SEMA3D: variants seen among roughly 807,000 people sequenced by gnomAD.
SEMA3D encodes the protein semaphorin-3D.
Under a neutral mutation model 100.1 loss-of-function variants are expected in SEMA3D, and 84 were observed. The ratio of observed to expected loss-of-function variants is 0.84; its 90% CI spans 0.70 to 1.01. The LOEUF (loss-of-function observed/expected upper bound fraction) is 1.01, where lower values mean the gene tolerates loss of function less well. Ranked by LOEUF, SEMA3D falls within the 50% of genes least tolerant of loss-of-function variation. The pLI is 0.00. For missense variants in SEMA3D, 875 were observed against 934.1 expected, an observed-to-expected ratio of 0.94 and a Z score of 0.82; for synonymous variants, 312 against 320.7, an observed-to-expected ratio of 0.97 and a Z score of 0.29.
At chr7:85,190,268 TA>T (rs1791667349), upstream of SEMA3D, among the ~76,000 whole-genome samples, 1 of 152,132 alleles carries the variant, frequency 6.6e-6, no homozygotes, top group African/African-American at 2.4e-5. Context: ...AAAATTGTGT[TA>T]AAAAGCATGT....
At chr7:85,107,598 C>T (rs938595390) in intron 3 of SEMA3D, among the ~76,000 whole-genome samples, 7 of 152,006 alleles carry the variant, frequency 4.6e-5, no homozygotes, top group South Asian at 2.1e-4. Context: ...CAGCTTGCTA[C>T]GTATTGTCAA....
At chr7:85,159,031 A>G (rs193014696) in intron 1 of SEMA3D, among the ~76,000 whole-genome samples, 13 of 152,016 alleles carry the variant, frequency 8.6e-5, no homozygotes, top group Admixed American at 7.9e-4. Flanking sequence ...CACTCTCTTT[A>G]CCATCACCTC....
the SEMA3D span, among the ~76,000 whole-genome samples, chr7:85,230,224 GC>G: frequency 6.6e-6 from 1 of 152,104 alleles, no homozygotes; most frequent in South Asian, 2.1e-4. Flanking sequence ...TCTTCACTCA[GC>G]TTTTTAGAGG....
At chr7:85,129,985 TA>T (rs1789677707) in intron 2 of SEMA3D, among the ~76,000 whole-genome samples, 1 of 152,098 alleles carries the variant, frequency 6.6e-6, no homozygotes, top group South Asian at 2.1e-4. Context: ...TTTATTTTTT[TA>T]AAAAAGATGT....
intron 1 of SEMA3D, among the ~76,000 whole-genome samples, chr7:85,173,774 A>G (rs1791148851): frequency 6.6e-6 from 1 of 152,170 alleles, no homozygotes; most frequent in South Asian, 2.1e-4. Context: ...AAAAAATGGG[A>G]CACTGAGATG....
At chr7:85,056,381 C>T (rs1290921052) in intron 8 of SEMA3D, among the ~76,000 whole-genome samples, 1 of 151,902 alleles carries the variant, frequency 6.6e-6, no homozygotes, top group Non-Finnish European at 1.5e-5. Context: ...TCTTTCACTG[C>T]CACTCACTGG....
chr7:85,213,950 GCAT>G, the SEMA3D span, among the ~76,000 whole-genome samples: 1 of 152,064 alleles, frequency 6.6e-6, no homozygotes, highest in Non-Finnish European at 1.5e-5. Flanking sequence ...ATTAAGTTTA[GCAT>G]CATTGAAAAC....
At chr7:85,075,566 T>A (rs1791899404) in intron 5 of SEMA3D, among the ~76,000 whole-genome samples, 1 of 152,134 alleles carries the variant, frequency 6.6e-6, no homozygotes, top group Admixed American at 6.5e-5. Flanking sequence ...CAGATTAATT[T>A]ATGAAATTCC....
At chr7:85,033,584 A>G (rs1039075436) in intron 12 of SEMA3D, among the ~76,000 whole-genome samples, 5 of 152,130 alleles carry the variant, frequency 3.3e-5, no homozygotes, top group Non-Finnish European at 7.4e-5. Context: ...CTGGGTCTAC[A>G]TATGCAAATA....
the SEMA3D span, among the ~76,000 whole-genome samples, chr7:85,210,022 T>C: frequency 6.6e-6 from 1 of 152,128 alleles, no homozygotes; most frequent in Non-Finnish European, 1.5e-5. Context: ...TGGAATGTAT[T>C]GATCCAACCT....
At chr7:85,163,821 G>A (rs958280139) in intron 1 of SEMA3D, among the ~76,000 whole-genome samples, 1 of 152,032 alleles carries the variant, frequency 6.6e-6, no homozygotes, top group Non-Finnish European at 1.5e-5. Flanking sequence ...TTTCGTATCT[G>A]AATGCTTTTC....
chr7:85,153,135 A>C (rs1562837167), intron 2 of SEMA3D, among the ~76,000 whole-genome samples: 1 of 152,140 alleles, frequency 6.6e-6, no homozygotes, highest in East Asian at 1.9e-4. Context: ...CCTACTATAC[A>C]AAAAGACTGC....
chr7:85,091,206 G>A (rs1261278454), intron 4 of SEMA3D, among the ~76,000 whole-genome samples: 2 of 148,210 alleles, frequency 1.3e-5, no homozygotes, highest in Non-Finnish European at 1.5e-5. Context: ...AGGGAGGGAG[G>A]GAAGGAAGGG....
chr7:85,028,961 C>T (rs756451076), intron 12 of SEMA3D: 3 of 294,898 alleles, frequency 1.0e-5, no homozygotes, highest in Admixed American at 4.0e-5. Flanking sequence ...TCCAGGCAGC[C>T]GTCCTATCTA....
chr7:85,187,713 T>C (rs1215402430), upstream of SEMA3D, among the ~76,000 whole-genome samples: 1 of 152,200 alleles, frequency 6.6e-6, no homozygotes, highest in African/African-American at 2.4e-5. Flanking sequence ...ATCTAAGTTT[T>C]GATGAACCTG....
At chr7:85,078,875 C>T (rs999594290) in intron 5 of SEMA3D, among the ~76,000 whole-genome samples, 1 of 152,118 alleles carries the variant, frequency 6.6e-6, no homozygotes, top group African/African-American at 2.4e-5. Flanking sequence ...AAGGGTAATG[C>T]CAAACGTAAT....
At chr7:85,130,468 T>G (rs2116431523) in intron 2 of SEMA3D, among the ~76,000 whole-genome samples, 1 of 152,294 alleles carries the variant, frequency 6.6e-6, no homozygotes, top group African/African-American at 2.4e-5. Flanking sequence ...CACTATAAGG[T>G]AAACATTATA....
At chr7:85,245,975 AAAAC>A in the SEMA3D span, among the ~76,000 whole-genome samples, 1 of 152,152 alleles carries the variant, frequency 6.6e-6, no homozygotes, top group Non-Finnish European at 1.5e-5. Flanking sequence ...TAGAAATGGC[AAAAC>A]AAACAAATAA....
At position 85,036,972 on chromosome 7, in the gene SEMA3D, T is replaced by A. The variant is rs1450919931; in HGVS notation, c.1108A>T (p.Asn370Tyr). 3.7e-6 allele frequency: 6 copies of A among 1,613,332 alleles called. No individual in the cohort carries two copies. Among genetic ancestry groups the A allele is most frequent in the African/African-American group, 2.7e-5 (2 of 74,872 alleles). The part of the protein sequence containing the change: ...YSMADIRAVF[N>Y]GPYAHKESAD... ...CTTTCCTTATGAGCATATGGACCAT[T>A]AAAAACTGCTCTGATGTCAGCCATG... Residue 370 changes from asparagine to tyrosine, a missense_variant, in exon 12 of 19, where the codon AAT (asparagine) becomes TAT (tyrosine). By Grantham distance (143) the Asn-to-Tyr change is moderately radical. Transcript: ENST00000284136.
Sources: gnomAD v4.1 joint callset for allele counts (sites outside exome capture counted in the v4.1 genomes callset) on GRCh38, gnomAD v4.1.1 for gene constraint, MANE v1.5 for transcripts, NCBI Gene and HGNC (gene_info 2026-07-23, HGNC 2026-07-21) for gene names.